ZNF721: variants seen among roughly 807,000 people sequenced by gnomAD.
The protein encoded by ZNF721 is zinc finger protein 721.
In ZNF721, 2 loss-of-function variants were observed where a neutral mutation model predicts 2.4. That is an observed-to-expected ratio of 0.82 (90% CI 0.34 to 2.58). The LOEUF (loss-of-function observed/expected upper bound fraction) is 2.58. ZNF721 is among the 30% of genes most tolerant of loss of function. The pLI is 0.11. For synonymous variants in ZNF721, 398 were observed against 381.8 expected, an observed-to-expected ratio of 1.04 and a Z score of -0.50; for missense variants, 1,187 against 1,085.5, an observed-to-expected ratio of 1.09 and a Z score of -1.31.
At position 443,363 on chromosome 4, in the gene ZNF721, T is replaced by G; in HGVS notation, c.1104A>C (p.Lys368Asn). The G allele has an allele frequency of 1.2e-6, 2 of 1,614,094 alleles. No individual in the cohort carries two copies. The highest frequency in any genetic ancestry group is 1.7e-6 in the Non-Finnish European group (2 of 1,179,984). ...EKPYKCEDCG[K>N]AFGRYTALNQ... ...TCAGGGCTGTGTACCGTCCAAAGGC[T>G]TTGCCACAGTCTTCGCATTTGTAAG... Residue 368 changes from lysine to asparagine, a missense_variant, in exon 3 of 3, where the codon AAA becomes AAC. Transcript: ENST00000511833.
At chr4:485,933 C>T (rs1715884416) in intron 1 of ZNF721, among the ~76,000 whole-genome samples, 1 of 152,006 alleles carries the variant, frequency 6.6e-6, no homozygotes, top group Non-Finnish European at 1.5e-5. Flanking sequence ...TGAGATTGTG[C>T]CACTGCACTC....
intron 1 of ZNF721, among the ~76,000 whole-genome samples, chr4:481,310 C>T (rs1715764765): frequency 6.6e-6 from 1 of 152,176 alleles, no homozygotes; most frequent in African/African-American, 2.4e-5. Flanking sequence ...CATGGGGGTT[C>T]CAAATGCTCT....
At chr4:449,747 G>C (rs1357054468) in intron 2 of ZNF721, among the ~76,000 whole-genome samples, 1 of 152,126 alleles carries the variant, frequency 6.6e-6, no homozygotes, top group African/African-American at 2.4e-5. Context: ...ATAGGCAAGA[G>C]ACTTTAAGAG....
chr4:450,956 A>AAAATAT (rs1714637638), intron 2 of ZNF721, among the ~76,000 whole-genome samples: 5 of 63,748 alleles, frequency 7.8e-5, no homozygotes, highest in African/African-American at 2.3e-4. Flanking sequence ...AAAAAAAAAA[A>AAAATAT]ATATATATAT....
chr4:456,026 AAC>A (rs1158845093), intron 2 of ZNF721, among the ~76,000 whole-genome samples: 12 of 151,798 alleles, frequency 7.9e-5, no homozygotes, highest in East Asian at 3.9e-4. Context: ...TACAAAAGAA[AAC>A]AGTCATGATC....
chr4:452,339 G>A (rs1437510060), intron 2 of ZNF721, among the ~76,000 whole-genome samples: 2 of 152,146 alleles, frequency 1.3e-5, no homozygotes, highest in Non-Finnish European at 2.9e-5. Flanking sequence ...TGAAATACAC[G>A]GTAATAGTCC....
chr4:457,417 G>A (rs1188858117), intron 2 of ZNF721, among the ~76,000 whole-genome samples: 1 of 152,206 alleles, frequency 6.6e-6, no homozygotes, highest in Non-Finnish European at 1.5e-5. Context: ...TGGCATGCTT[G>A]CCCATCACAG....
At chr4:477,654 G>A (rs1333211002) in intron 1 of ZNF721, among the ~76,000 whole-genome samples, 9 of 152,058 alleles carry the variant, frequency 5.9e-5, no homozygotes, top group Non-Finnish European at 1.0e-4. Context: ...TAAGCCGATA[G>A]TTTAAAATGA....
Position 441,586 on chromosome 4 carries a change from G to C in ZNF721, c.*109C>G, listed in dbSNP as rs1395029226. 3 of 861,526 alleles carry C rather than the reference G, an allele frequency of 3.5e-6. No individual in the cohort carries two copies. In the African/African-American group the frequency reaches 5.1e-5, roughly 15 times the overall value. The allele number at this position is 861,526 out of a possible 1,614,324, so 53.4% of individuals were successfully genotyped here. A position where few individuals can be genotyped will look rare whatever the true frequency, so the allele number is the denominator to read the frequency against. ...TATCTTATGATTAGAAAGGATTGAG[G>C]AGCATTTAAAGACCGCGACATTCGT... On this transcript the variant is annotated 3_prime_UTR_variant, in exon 3 of 3. Coordinates refer to ENST00000511833, the MANE Select transcript of ZNF721 (RefSeq NM_133474.4).
chr4:491,369 G>A (rs1716019728), intron 1 of ZNF721, among the ~76,000 whole-genome samples: 1 of 152,186 alleles, frequency 6.6e-6, no homozygotes, highest in Non-Finnish European at 1.5e-5. Context: ...AGTGAGCCAA[G>A]ATCGTGCCAT....
At position 465,467 on chromosome 4, in the gene ZNF721, T is replaced by C. The variant is rs1398858270; in HGVS notation, c.34+7108A>G. Among the ~76,000 whole-genome samples, 7 of 151,480 alleles carry C rather than the reference T, an allele frequency of 4.6e-5. No individual in the cohort carries two copies. In the East Asian group the frequency reaches 1.4e-3, roughly 29 times the overall value. ...TTTTTTTTGAGACGGAGTCTCACTC[T>C]GTCGCCCAGGCTGGAGTGCAGTGGT... is the stretch of plus-strand genomic sequence containing the variant. On this transcript the variant is annotated intron_variant, in intron 2 of 2. Coordinates refer to ENST00000511833, the MANE Select transcript of ZNF721 (RefSeq NM_133474.4).
At chr4:499,156 TGGCG>T, upstream of ZNF721, 1 of 621,956 alleles carries the variant, frequency 1.6e-6, no homozygotes, top group Non-Finnish European at 2.7e-6. Flanking sequence ...CGCCCCGCTG[TGGCG>T]GGCTGGCGGA....
intron 2 of ZNF721, among the ~76,000 whole-genome samples, chr4:451,412 T>C (rs1714656929): frequency 1.3e-5 from 2 of 152,182 alleles, no homozygotes; most frequent in Non-Finnish European, 2.9e-5. Flanking sequence ...GCCCTAGTGA[T>C]GGGACCTCGT....
Position 442,750 on chromosome 4 carries a change from A to G in ZNF721, c.1717T>C (p.Tyr573His), listed in dbSNP as rs782531995. ...GKTFRQSANL[Y>H]VHRRIHTGEK... ...CCAGTATGAATTCTCCTATGTACAT[A>G]AAGGTTTGCGGACTGTCTAAAGGTT... is the stretch of plus-strand genomic sequence containing the variant. The change falls in exon 3 of 3, where the codon TAT (tyrosine) becomes CAT (histidine). Residue 573 changes from tyrosine to histidine, a missense_variant. Transcript: ENST00000511833. The G allele has an allele frequency of 1.2e-6, 2 of 1,613,412 alleles. No individual in the cohort carries two copies. Among genetic ancestry groups the G allele is most frequent in the South Asian group, 2.2e-5 (2 of 90,990 alleles).
At chr4:493,097 GATTA>G (rs1332887939) in intron 1 of ZNF721, among the ~76,000 whole-genome samples, 1 of 148,224 alleles carries the variant, frequency 6.7e-6, no homozygotes, top group Admixed American at 6.7e-5. Context: ...TGTTTACCTA[GATTA>G]TTTATGATAA....
intron 1 of ZNF721, among the ~76,000 whole-genome samples, chr4:482,636 A>G (rs1374459398): frequency 6.6e-6 from 1 of 151,820 alleles, no homozygotes; most frequent in Non-Finnish European, 1.5e-5. Context: ...GGCTGGGACT[A>G]CAAGCGCCCG....
rs559274906 is a variant in ZNF721 at position 442,625 on chromosome 4, T to A, written c.1842A>T (p.Lys614Asn). The A allele has an allele frequency of 9.8e-5, 158 of 1,613,956 alleles. No homozygotes were observed. In the East Asian group the frequency reaches 3.2e-3, roughly 33 times the overall value. Reference sequence around the variant, plus strand: ...CAAAGTCTTTGCCACACTCTTCACATTTGTAAAGTTTCTCTCCAGTATGAA... The same window carrying A: ...CAAAGTCTTTGCCACACTCTTCACAATTGTAAAGTTTCTCTCCAGTATGAA... ...KKIHTGEKLYKCEECGKDFVW... is the reference protein window; with the variant it reads ...KKIHTGEKLYNCEECGKDFVW... The change falls in exon 3 of 3, where the codon AAA becomes AAT. Residue 614 changes from lysine (K) to asparagine (N), a missense_variant. Physicochemically the swap from Lys to Asn is moderately conservative, Grantham distance 94 (BLOSUM62 0). Coordinates refer to ENST00000511833, the MANE Select transcript of ZNF721 (RefSeq NM_133474.4).
chr4:480,667 T>C (rs1309212167), intron 1 of ZNF721, among the ~76,000 whole-genome samples: 1 of 152,246 alleles, frequency 6.6e-6, no homozygotes, highest in Non-Finnish European at 1.5e-5. Flanking sequence ...ACTTTGTTTC[T>C]GGCATGTTTC....
chr4:482,393 G>A (rs1393205827), intron 1 of ZNF721, among the ~76,000 whole-genome samples: 1 of 152,176 alleles, frequency 6.6e-6, no homozygotes, highest in African/African-American at 2.4e-5. Context: ...TCAAACTCCT[G>A]ACCTCAGGGG....
Sources: gnomAD v4.1 joint callset for allele counts (sites outside exome capture counted in the v4.1 genomes callset) on GRCh38, gnomAD v4.1.1 for gene constraint, MANE v1.5 for transcripts, NCBI Gene and HGNC (gene_info 2026-07-23, HGNC 2026-07-21) for gene names.